The following KIAA0930 variants were observed in gnomAD, a reference collection of about 807,000 sequenced individuals.
KIAA0930 encodes KIAA0930, also known as uncharacterized protein KIAA0930.
Under a neutral mutation model 43.9 loss-of-function variants are expected in KIAA0930, and 24 were observed. That is an observed-to-expected ratio of 0.55 (90% CI 0.40 to 0.77). KIAA0930 has a LOEUF of 0.77. KIAA0930 is among the 30% of genes least tolerant of loss of function. The pLI is 0.00. For missense variants in KIAA0930, 461 were observed against 574.2 expected (o/e 0.80, Z 2.02); for synonymous variants, 259 against 216.4 (o/e 1.20, Z -1.73).
At chr22:45,206,156 C>A (rs1017695760) in intron 2 of KIAA0930, among the ~76,000 whole-genome samples, 4 of 152,228 alleles carry the variant, frequency 2.6e-5, no homozygotes, top group Non-Finnish European at 4.4e-5. Context: ...ACAGGGACCA[C>A]AGGCACGTGC....
chr22:45,216,806 C>T (rs1036504845), intron 1 of KIAA0930, among the ~76,000 whole-genome samples: 9 of 152,082 alleles, frequency 5.9e-5, no homozygotes, highest in Admixed American at 2.6e-4. Context: ...GCAGATGTGG[C>T]CCCGAAAGCT....
intron 1 of KIAA0930, chr22:45,226,462 C>G (rs1360149829): frequency 2.6e-6 from 1 of 390,466 alleles, no homozygotes; most frequent in Non-Finnish European, 5.3e-6. Context: ...TTGGGGCTCC[C>G]ATAAAGCATC....
intron 2 of KIAA0930, among the ~76,000 whole-genome samples, chr22:45,209,219 T>C (rs1251450294): frequency 3.3e-5 from 5 of 152,218 alleles, no homozygotes; most frequent in Admixed American, 1.3e-4. Context: ...GGGATGGGCA[T>C]GGGGAGGGGG....
chr22:45,220,989 A>G (rs1486905642), intron 1 of KIAA0930, among the ~76,000 whole-genome samples: 1 of 147,232 alleles, frequency 6.8e-6, no homozygotes, highest in East Asian at 2.0e-4. Flanking sequence ...CTGCGTTTCC[A>G]CCCTGCCCAC....
At chr22:45,230,360 G>A (rs1043991460) in intron 1 of KIAA0930, among the ~76,000 whole-genome samples, 1 of 152,070 alleles carries the variant, frequency 6.6e-6, no homozygotes, top group African/African-American at 2.4e-5. Context: ...AATACGACAC[G>A]CTGGCACTTG....
intron 8 of KIAA0930, 92 bp downstream of exon 8, chr22:45,199,781 A>C: frequency 8.0e-7 from 1 of 1,250,652 alleles, no homozygotes; most frequent in Admixed American, 2.7e-5. Context: ...TGAATGAACA[A>C]ATGAATGAAT....
intron 2 of KIAA0930, among the ~76,000 whole-genome samples, chr22:45,210,124 G>T (rs2147746865): frequency 6.6e-6 from 1 of 152,350 alleles, no homozygotes; most frequent in African/African-American, 2.4e-5. Context: ...AAGTACAGCT[G>T]AGAGTGTCTC....
chr22:45,229,493 G>A lies in KIAA0930; in HGVS notation c.64+11147C>T, dbSNP rs181294582. ...GGGAGCTCAGGTGGGAGAGGGACAG[G>A]AGCCACACACGAGGGACTACGCAGT... is the stretch of plus-strand genomic sequence containing the variant. On this transcript the variant is annotated intron_variant, in intron 1 of 9. Coordinates refer to ENST00000336156, the MANE Select transcript of KIAA0930 (RefSeq NM_001009880.2). Among the ~76,000 whole-genome samples the A allele has an allele frequency of 1.3e-4, 20 of 151,982 alleles. No homozygotes were observed. The East Asian group carries it at 1.4e-3, about 10-fold the overall frequency.
intron 1 of KIAA0930, among the ~76,000 whole-genome samples, chr22:45,214,102 G>A (rs1379267888): frequency 6.6e-6 from 1 of 152,142 alleles, no homozygotes; most frequent in South Asian, 2.1e-4. Context: ...ACTTGAGCCC[G>A]GGAGGCAGAG....
Position 45,197,018 on chromosome 22 carries a change from T to G in KIAA0930, c.*158A>C. 1 of 598,718 alleles carries G rather than the reference T, an allele frequency of 1.7e-6. No homozygotes were observed. Among genetic ancestry groups the G allele is most frequent in the Non-Finnish European group, 2.9e-6 (1 of 348,162 alleles). The allele number at this position is 598,718 out of a possible 1,614,324, so 37.1% of individuals were successfully genotyped here. A position where few individuals can be genotyped will look rare whatever the true frequency, so the allele number is the denominator to read the frequency against. ...GCACTTCAGTTTGGGCTGGTGTTCG[T>G]GGAGTCGGCCCCGGCCCCGGGAGTC... On this transcript the variant is annotated 3_prime_UTR_variant, in exon 10 of 10. Coordinates refer to ENST00000336156, the MANE Select transcript of KIAA0930 (RefSeq NM_001009880.2).
chr22:45,236,182 G>A (rs1262580741), intron 1 of KIAA0930: 1 of 152,408 alleles, frequency 6.6e-6, no homozygotes, highest in African/African-American at 2.4e-5. Flanking sequence ...GCAGAATGAG[G>A]TCAAGACAGA....
In KIAA0930 at chr22:45,205,841, A is replaced by AG; in HGVS notation, c.287dup (p.Asp97Ter). 1 of 1,583,668 alleles carries AG rather than the reference A, an allele frequency of 6.3e-7. No homozygotes were observed. Among genetic ancestry groups the AG allele is most frequent in the Non-Finnish European group, 8.5e-7 (1 of 1,169,938 alleles). The stretch of plus-strand genomic sequence containing the variant: ...AGACGCTCTCCTCCCAGTCGATGTC[A>AG]GGGTCTCCCAGGCCTGGCAGCTTCT... On this transcript the variant is annotated frameshift_variant, in exon 3 of 10. Transcript: ENST00000336156. LOFTEE classifies it high-confidence loss of function.
intron 7 of KIAA0930, chr22:45,201,097 T>C: frequency 2.2e-6 from 1 of 457,680 alleles, no homozygotes; most frequent in Non-Finnish European, 4.5e-6. Flanking sequence ...TCGTCACGGC[T>C]CCGACATCCA....
At chr22:45,205,772 C>CA in intron 3 of KIAA0930, 21 bp downstream of exon 3, 1 of 712,558 alleles carries the variant, frequency 1.4e-6, no homozygotes, top group Non-Finnish European at 2.4e-6. Flanking sequence ...AATCCGCAGC[C>CA]CCACCCATCC....
chr22:45,203,927 C>G lies in KIAA0930; in HGVS notation c.575G>C (p.Ser192Thr). Residue 192 changes from serine to threonine, a missense_variant, in exon 6 of 10, where the codon AGT becomes ACT. Ser to Thr is a moderately conservative substitution (Grantham distance 58). Transcript: ENST00000336156. ...CCCCTGGAACGTGTTGGTTTTGTCA[C>G]TAGCCACCAGCTCCACACAGACCAT... is the stretch of plus-strand genomic sequence containing the variant. ...GEMVCVELVASDKTNTFQGVI... is the reference protein window; with the variant it reads ...GEMVCVELVATDKTNTFQGVI... 6.2e-7 allele frequency: 1 copy of G among 1,614,136 alleles called. No homozygotes were observed. The highest frequency in any genetic ancestry group is 1.3e-5 in the African/African-American group (1 of 75,040).
chr22:45,226,706 G>C (rs2083803395), intron 1 of KIAA0930: 1 of 164,868 alleles, frequency 6.1e-6, no homozygotes, highest in Non-Finnish European at 1.3e-5. Flanking sequence ...ACAGAAAATG[G>C]CCTCCTACAT....
chr22:45,221,000 T>C (rs2083764640), intron 1 of KIAA0930, among the ~76,000 whole-genome samples: 1 of 151,194 alleles, frequency 6.6e-6, no homozygotes, highest in African/African-American at 2.4e-5. Context: ...CCCTGCCCAC[T>C]GTTAGAACAC....
chr22:45,215,302 G>C (rs1347583705), intron 1 of KIAA0930, among the ~76,000 whole-genome samples: 1 of 152,176 alleles, frequency 6.6e-6, no homozygotes, highest in Non-Finnish European at 1.5e-5. Context: ...TAAACCATAT[G>C]CCAATAAAAT....
At chr22:45,210,251 A>G (rs1388433526) in intron 2 of KIAA0930, among the ~76,000 whole-genome samples, 1 of 146,234 alleles carries the variant, frequency 6.8e-6, no homozygotes, top group Non-Finnish European at 1.5e-5. Flanking sequence ...GCAGAAGCTG[A>G]GAGGCCACAG....
Sources: allele counts gnomAD v4.1 joint callset (sites outside exome capture counted in the v4.1 genomes callset), GRCh38; gene constraint gnomAD v4.1.1; transcripts MANE v1.5; gene names NCBI Gene and HGNC (gene_info 2026-07-23, HGNC 2026-07-21).